Variants in AGBL4 observed in about 807,000 individuals in gnomAD.
AGBL4 encodes the protein cytosolic carboxypeptidase 6.
AGBL4 carries 58 observed loss-of-function variants against 66.4 expected under a neutral mutation model. The ratio of observed to expected loss-of-function variants is 0.87; its 90% CI spans 0.71 to 1.09. The LOEUF is 1.09. Among genes scored for constraint, AGBL4 ranks in the 50% least tolerant of loss-of-function variants. AGBL4 has a pLI of 0.00. For synonymous variants in AGBL4, 234 were observed against 222.9 expected, an observed-to-expected ratio of 1.05 and a Z score of -0.44; for missense variants, 579 against 631.0, an observed-to-expected ratio of 0.92 and a Z score of 0.88.
Position 49,735,299 on chromosome 1 carries a change from GT to G in AGBL4, c.158-37863del, listed in dbSNP as rs1649784130. ...AACAAAGAGGTAGAGGTGTGTGGGT[GT>G]GTGTGTGTGTGTGTGTGTGTGTGTG... On this transcript the variant is annotated intron_variant, in intron 2 of 13. Transcript: ENST00000371839. 1.0e-3 allele frequency among the ~76,000 whole-genome samples: 75 copies of G among 72,440 alleles called. 1 individual carries two copies. The East Asian group carries it at 0.017, about 17-fold the overall frequency. The allele number at this position is 72,440 out of a possible 152,430, so 47.5% of individuals were successfully genotyped here. A position where few individuals can be genotyped will look rare whatever the true frequency, so the allele number is the denominator to read the frequency against.
At chr1:48,587,787 T>C (rs1056333792) in intron 10 of AGBL4, among the ~76,000 whole-genome samples, 1 of 150,838 alleles carries the variant, frequency 6.6e-6, no homozygotes, top group African/African-American at 2.4e-5. Context: ...GGACTACAGG[T>C]GCCCACCACC....
intron 4 of AGBL4, among the ~76,000 whole-genome samples, chr1:49,120,904 C>A (rs1645639288): frequency 6.6e-6 from 1 of 151,542 alleles, no homozygotes; most frequent in South Asian, 2.1e-4. Flanking sequence ...TTGTTAATTT[C>A]TTTTTCCTCT....
At chr1:49,776,067 A>G (rs1644188603) in intron 2 of AGBL4, among the ~76,000 whole-genome samples, 2 of 152,098 alleles carry the variant, frequency 1.3e-5, no homozygotes, top group Non-Finnish European at 1.5e-5. Flanking sequence ...AGATACAAAA[A>G]CAACCAATGA....
At chr1:49,816,340 A>C (rs1241168207) in intron 2 of AGBL4, among the ~76,000 whole-genome samples, 2 of 152,198 alleles carry the variant, frequency 1.3e-5, no homozygotes, top group Non-Finnish European at 2.9e-5. Context: ...ATGTCCAAAA[A>C]GCATAGGATG....
intron 3 of AGBL4, among the ~76,000 whole-genome samples, chr1:49,398,307 G>A (rs192057310): frequency 2.0e-4 from 29 of 147,710 alleles, no homozygotes; most frequent in African/African-American, 6.5e-4. Context: ...GGAAGAGTCA[G>A]TCAGTCTCTC....
intron 4 of AGBL4, among the ~76,000 whole-genome samples, chr1:49,103,049 C>T (rs1451302190): frequency 6.6e-6 from 1 of 152,158 alleles, no homozygotes; most frequent in East Asian, 1.9e-4. Flanking sequence ...TTCTACATAG[C>T]TCAGCTTAAG....
rs141260318 is a variant in AGBL4, at chr1:48,616,096, T to A, written c.951+18397A>T. 1.3e-3 allele frequency among the ~76,000 whole-genome samples: 201 copies of A among 152,300 alleles called. 6 individuals are homozygous for A. The East Asian group carries it at 0.035, about 27-fold the overall frequency. ...TTGCACTGGGGATTCAGTTTCAGCATATGGATTTTGGAGGGGCACATACGT... is the reference window on the plus strand; with the variant it reads ...TTGCACTGGGGATTCAGTTTCAGCAAATGGATTTTGGAGGGGCACATACGT... On this transcript the variant is annotated intron_variant, in intron 9 of 13. Transcript: ENST00000371839.
At chr1:49,606,879 C>A (rs1031080319) in intron 3 of AGBL4, among the ~76,000 whole-genome samples, 1 of 151,990 alleles carries the variant, frequency 6.6e-6, no homozygotes, top group African/African-American at 2.4e-5. Flanking sequence ...GTCAATCTAC[C>A]ACATTCATGG....
chr1:48,757,346 T>C lies in AGBL4; in HGVS notation c.635-94105A>G, dbSNP rs148446677. 1.0e-3 allele frequency among the ~76,000 whole-genome samples: 157 copies of C among 152,360 alleles called. 2 individuals carry two copies. In the South Asian group the frequency reaches 0.025, roughly 24 times the overall value. On this transcript the variant is annotated intron_variant, in intron 6 of 13. Coordinates refer to ENST00000371839, the MANE Select transcript of AGBL4 (RefSeq NM_032785.4). ...CAGCTTTTACAAATTTTTACATTTA[T>C]GATTTCTCTTTGAGATTTTATTTTA...
chr1:50,002,244 G>A (rs1286442038), intron 1 of AGBL4, among the ~76,000 whole-genome samples: 2 of 151,886 alleles, frequency 1.3e-5, no homozygotes, highest in Non-Finnish European at 2.9e-5. Context: ...AAAGGTAATC[G>A]GCTTTATCTT....
Position 49,525,001 on chromosome 1 carries a change from T to A in AGBL4, c.282+172312A>T, listed in dbSNP as rs553736844. Among the ~76,000 whole-genome samples the A allele has an allele frequency of 2.6e-5, 4 of 152,228 alleles. No individual in the cohort carries two copies. The South Asian group carries it at 8.3e-4, about 32-fold the overall frequency. On this transcript the variant is annotated intron_variant, in intron 3 of 13. Transcript: ENST00000371839. Reference sequence around the variant, plus strand: ...TGCTCAATAATTTACGACTGCATTATCTTGGGTAACTTATTCTTCTGTTTT... The same window carrying A: ...TGCTCAATAATTTACGACTGCATTAACTTGGGTAACTTATTCTTCTGTTTT...
At chr1:49,500,572 G>T (rs936057837) in intron 3 of AGBL4, among the ~76,000 whole-genome samples, 1 of 151,938 alleles carries the variant, frequency 6.6e-6, no homozygotes, top group African/African-American at 2.4e-5. Context: ...GAGAGACGAG[G>T]ATCAACTTTT....
chr1:49,042,689 T>C (rs1389388468), intron 5 of AGBL4, among the ~76,000 whole-genome samples: 2 of 152,192 alleles, frequency 1.3e-5, no homozygotes, highest in African/African-American at 4.8e-5. Flanking sequence ...TTTGAGGCTT[T>C]CAAGGAGTAG....
chr1:49,233,284 C>A (rs1039487332), intron 4 of AGBL4, among the ~76,000 whole-genome samples: 3 of 152,138 alleles, frequency 2.0e-5, no homozygotes, highest in Non-Finnish European at 2.9e-5. Context: ...CAAATAAATC[C>A]AATCTGATTT....
intron 5 of AGBL4, among the ~76,000 whole-genome samples, chr1:49,017,741 C>T (rs371741448): frequency 7.2e-5 from 11 of 152,092 alleles, no homozygotes; most frequent in Admixed American, 2.6e-4. Flanking sequence ...ATATATTGAA[C>T]GAATGAATTA....
intron 11 of AGBL4, among the ~76,000 whole-genome samples, chr1:48,565,460 C>T (rs1294313970): frequency 6.6e-6 from 1 of 152,178 alleles, no homozygotes; most frequent in Non-Finnish European, 1.5e-5. Context: ...CTAGTATCTA[C>T]CCCTGAGTCA....
At chr1:49,009,855 A>T (rs1264781959) in intron 5 of AGBL4, among the ~76,000 whole-genome samples, 1 of 152,170 alleles carries the variant, frequency 6.6e-6, no homozygotes, top group African/African-American at 2.4e-5. Context: ...CTCTCAATAA[A>T]TTAGGTATTG....
At chr1:49,496,210 T>A (rs1570871369) in intron 3 of AGBL4, among the ~76,000 whole-genome samples, 1 of 152,160 alleles carries the variant, frequency 6.6e-6, no homozygotes, top group Non-Finnish European at 1.5e-5. Flanking sequence ...CTAGCTCTGC[T>A]ACTTGGCAGC....
chr1:49,301,105 T>C (rs1644736991), intron 3 of AGBL4, among the ~76,000 whole-genome samples: 1 of 152,226 alleles, frequency 6.6e-6, no homozygotes, highest in South Asian at 2.1e-4. Context: ...GAAAGGTCCA[T>C]AAATGACCTT....
Sources: gnomAD v4.1 joint callset for allele counts (sites outside exome capture counted in the v4.1 genomes callset) on GRCh38, gnomAD v4.1.1 for gene constraint, MANE v1.5 for transcripts, NCBI Gene and HGNC (gene_info 2026-07-23, HGNC 2026-07-21) for gene names.